Variants in TAFA1 observed in about 807,000 individuals in gnomAD.
TAFA1 encodes the protein TAFA chemokine like family member 1.
TAFA1 carries 4 observed loss-of-function variants against 18.5 expected under a neutral mutation model. That is an observed-to-expected ratio of 0.22 (90% CI 0.11 to 0.49). The LOEUF is 0.49. TAFA1 is among the 20% of genes least tolerant of loss of function. The pLI, the probability that TAFA1 is intolerant of heterozygous loss-of-function variation, is 0.98. For synonymous variants in TAFA1, 56 were observed against 55.2 expected (o/e 1.01, Z -0.06); for missense variants, 147 against 169.0 (o/e 0.87, Z 0.72).
chr3:68,170,849 TACAC>T (rs2066043676), intron 2 of TAFA1, among the ~76,000 whole-genome samples: 1 of 149,584 alleles, frequency 6.7e-6, no homozygotes, highest in African/African-American at 2.4e-5. Flanking sequence ...GGATACAGGC[TACAC>T]ACACACAGAA....
chr3:67,991,952 C>T, the TAFA1 span, among the ~76,000 whole-genome samples: 1 of 152,266 alleles, frequency 6.6e-6, no homozygotes, highest in South Asian at 2.1e-4. Context: ...GACTAATGCC[C>T]TGGCATTCTC....
chr3:68,244,893 G>T (rs1445815618), intron 2 of TAFA1, among the ~76,000 whole-genome samples: 1 of 152,142 alleles, frequency 6.6e-6, no homozygotes, highest in Non-Finnish European at 1.5e-5. Context: ...AAAATTAAGT[G>T]ATTTGCCCAA....
At chr3:68,301,782 C>T (rs2068307039) in intron 2 of TAFA1, among the ~76,000 whole-genome samples, 2 of 152,262 alleles carry the variant, frequency 1.3e-5, no homozygotes, top group South Asian at 4.1e-4. Flanking sequence ...ACAACTGGTG[C>T]TTATGTGGGA....
chr3:68,368,427 C>A (rs181670838), intron 2 of TAFA1, among the ~76,000 whole-genome samples: 2 of 152,064 alleles, frequency 1.3e-5, no homozygotes, highest in Admixed American at 1.3e-4. Context: ...ATCACTAGAC[C>A]GCAAAATCAT....
At chr3:68,540,479 T>G (rs1013449182) in intron 4 of TAFA1, among the ~76,000 whole-genome samples, 37 of 152,226 alleles carry the variant, frequency 2.4e-4, no homozygotes, top group African/African-American at 8.4e-4. Flanking sequence ...TGCCTAAAAC[T>G]GATTCTTCCC....
chr3:68,208,283 G>A (rs1242953417), intron 2 of TAFA1, among the ~76,000 whole-genome samples: 3 of 151,836 alleles, frequency 2.0e-5, no homozygotes, highest in Admixed American at 1.3e-4. Flanking sequence ...CTTAGAGCTC[G>A]TCGTGTTGAT....
chr3:68,119,429 C>T (rs1442077140), intron 2 of TAFA1, among the ~76,000 whole-genome samples: 1 of 152,004 alleles, frequency 6.6e-6, no homozygotes. Context: ...TGCTTGTGCT[C>T]TTGGTGTCAT....
intron 2 of TAFA1, among the ~76,000 whole-genome samples, chr3:68,122,682 A>G (rs2065415532): frequency 6.6e-6 from 1 of 152,206 alleles, no homozygotes; most frequent in Non-Finnish European, 1.5e-5. Flanking sequence ...CCTGAAAAAA[A>G]GCAAGTTGCT....
the TAFA1 span, among the ~76,000 whole-genome samples, chr3:67,994,579 T>G: frequency 6.6e-6 from 1 of 152,326 alleles, no homozygotes; most frequent in African/African-American, 2.4e-5. Flanking sequence ...ACTTTCAGAT[T>G]GGTTTGATTC....
chr3:68,071,063 C>T (rs1031966768), intron 2 of TAFA1, among the ~76,000 whole-genome samples: 2 of 152,236 alleles, frequency 1.3e-5, no homozygotes, highest in African/African-American at 4.8e-5. Flanking sequence ...TTTCAGGTAT[C>T]TTTTCAGCAG....
At chr3:68,383,592 G>T (rs552265190) in intron 2 of TAFA1, among the ~76,000 whole-genome samples, 1 of 152,102 alleles carries the variant, frequency 6.6e-6, no homozygotes, top group Middle Eastern at 3.4e-3. Context: ...CTGGTGTTTT[G>T]TTAAGGATTT....
At chr3:68,257,360 A>T (rs889100674) in intron 2 of TAFA1, among the ~76,000 whole-genome samples, 1 of 151,816 alleles carries the variant, frequency 6.6e-6, no homozygotes, top group East Asian at 1.9e-4. Flanking sequence ...TTGTGGTGTC[A>T]TGTTTTCTAT....
intron 3 of TAFA1, among the ~76,000 whole-genome samples, chr3:68,451,240 A>G (rs1354707266): frequency 2.6e-5 from 4 of 152,228 alleles, no homozygotes; most frequent in Non-Finnish European, 5.9e-5. Context: ...GAAAATAAAT[A>G]TTGTAAGCCT....
chr3:68,039,702 G>A (rs536580930), intron 2 of TAFA1, among the ~76,000 whole-genome samples: 110 of 152,150 alleles, frequency 7.2e-4, no homozygotes, highest in Non-Finnish European at 1.3e-3. Context: ...TTTACTTGGA[G>A]GTCATTGATG....
intron 2 of TAFA1, among the ~76,000 whole-genome samples, chr3:68,354,057 C>T (rs749183676): frequency 6.6e-6 from 1 of 151,842 alleles, no homozygotes; most frequent in Non-Finnish European, 1.5e-5. Context: ...AACTGACCCT[C>T]GAGTTTTGAC....
At chr3:68,426,253 T>C (rs557899735) in intron 3 of TAFA1, among the ~76,000 whole-genome samples, 1 of 151,922 alleles carries the variant, frequency 6.6e-6, no homozygotes, top group Admixed American at 6.6e-5. Context: ...AGGATAAAAA[T>C]TAAAGTAATT....
At chr3:68,186,303 T>C (rs1036971429) in intron 2 of TAFA1, among the ~76,000 whole-genome samples, 2 of 151,986 alleles carry the variant, frequency 1.3e-5, no homozygotes, top group Admixed American at 6.6e-5. Flanking sequence ...CTGGTGTGCT[T>C]CCCTAACCCT....
chr3:68,142,805 A>C (rs919913802), intron 2 of TAFA1, among the ~76,000 whole-genome samples: 2 of 152,200 alleles, frequency 1.3e-5, no homozygotes, highest in African/African-American at 4.8e-5. Flanking sequence ...CATGGAGCAG[A>C]CCGGTGCATA....
chr3:68,505,322 C>T (rs1021485247), intron 3 of TAFA1, among the ~76,000 whole-genome samples: 1 of 152,162 alleles, frequency 6.6e-6, no homozygotes, highest in Non-Finnish European at 1.5e-5. Flanking sequence ...GCTTCTCTTA[C>T]ACTCACTGGC....
Sources: allele counts gnomAD v4.1 joint callset (sites outside exome capture counted in the v4.1 genomes callset), GRCh38; gene constraint gnomAD v4.1.1; transcripts MANE v1.5; gene names NCBI Gene and HGNC (gene_info 2026-07-23, HGNC 2026-07-21).